The following CREG2 variants were observed in gnomAD, a reference collection of about 807,000 sequenced individuals.
The protein encoded by CREG2 is cellular repressor of E1A stimulated genes 2.
A neutral mutation model predicts 26.2 loss-of-function variants in CREG2; 24 were observed. That is an observed-to-expected ratio of 0.92 (90% CI 0.66 to 1.29). CREG2 has a LOEUF of 1.29. CREG2 is among the 50% of genes most tolerant of loss of function. The pLI, the probability that CREG2 is intolerant of heterozygous loss-of-function variation, is 0.00. For synonymous variants in CREG2, 174 were observed against 169.2 expected, an observed-to-expected ratio of 1.03 and a Z score of -0.22; for missense variants, 366 against 398.6, an observed-to-expected ratio of 0.92 and a Z score of 0.70.
At chr2:101,356,944 C>T (rs1313785735) in intron 2 of CREG2, among the ~76,000 whole-genome samples, 2 of 151,512 alleles carry the variant, frequency 1.3e-5, no homozygotes, top group Non-Finnish European at 2.9e-5. Flanking sequence ...GGCTGGAGTG[C>T]AATGGCGTAA....
chr2:101,387,105 G>A lies in CREG2; in HGVS notation c.353C>T (p.Pro118Leu), dbSNP rs1172622832. Reference protein sequence around the residue: ...REGGQTASAPPGPRLRAATAR... With the variant: ...REGGQTASAPLGPRLRAATAR... ...GGTGGCGGCGCGCAGTCTAGGGCCC[G>A]GGGGCGCACTGGCCGTCTGGCCGCC... The change falls in exon 1 of 4, where the codon CCG becomes CTG. Residue 118 changes from proline to leucine, a missense_variant. By Grantham distance (98) the Pro-to-Leu change is moderately conservative. This residue lies in a region of CREG2 where 177 missense variants were observed against 183.3 expected (regional missense o/e 0.97). Coordinates refer to ENST00000324768, the MANE Select transcript of CREG2 (RefSeq NM_153836.4). The surrounding 1 kb of genome is among the most constrained non-coding windows in gnomAD (Gnocchi z 4.7). 6 of 1,242,552 alleles carry A rather than the reference G, an allele frequency of 4.8e-6. No homozygotes were observed. In the African/African-American group the frequency reaches 7.8e-5, roughly 16 times the overall value. 77.0% of individuals were successfully genotyped at this position (1,242,552 alleles called of 1,614,324 possible). A position where few individuals can be genotyped will look rare whatever the true frequency, so the allele number is the denominator to read the frequency against.
intron 2 of CREG2, among the ~76,000 whole-genome samples, chr2:101,373,713 G>C (rs1190632770): frequency 6.6e-6 from 1 of 152,158 alleles, no homozygotes; most frequent in Non-Finnish European, 1.5e-5. Context: ...AAGCTCAACA[G>C]AGTTGAAATA....
intron 2 of CREG2, among the ~76,000 whole-genome samples, chr2:101,357,921 G>C (rs1400515131): frequency 6.7e-6 from 1 of 149,050 alleles, no homozygotes; most frequent in African/African-American, 2.5e-5. Context: ...AGCTTGCAGT[G>C]AGCCACGATT....
At chr2:101,359,333 C>T (rs1466593595) in intron 2 of CREG2, among the ~76,000 whole-genome samples, 1 of 152,138 alleles carries the variant, frequency 6.6e-6, no homozygotes, top group Non-Finnish European at 1.5e-5. Context: ...TGAGCATGCA[C>T]AGTGCATTTA....
intron 2 of CREG2, chr2:101,382,981 C>T: frequency 1.0e-6 from 1 of 985,846 alleles, no homozygotes; most frequent in Non-Finnish European, 1.2e-6. Flanking sequence ...GGGCCTGCAT[C>T]AATGTTCTGT....
chr2:101,357,976 CA>C (rs70943078), intron 2 of CREG2, among the ~76,000 whole-genome samples: 87,901 of 121,730 alleles, frequency 0.72, 30,319 homozygotes, highest in Middle Eastern at 0.81. Context: ...GACTCCGTCT[CA>C]AAAAAAAAAA....
intron 2 of CREG2, among the ~76,000 whole-genome samples, chr2:101,371,753 A>C (rs1684710339): frequency 6.6e-6 from 1 of 152,160 alleles, no homozygotes; most frequent in Admixed American, 6.5e-5. Flanking sequence ...AGCAGGATGG[A>C]AGTGGCTGCA....
At chr2:101,370,333 A>G (rs538072205) in intron 2 of CREG2, among the ~76,000 whole-genome samples, 94 of 152,168 alleles carry the variant, frequency 6.2e-4, no homozygotes, top group Non-Finnish European at 1.0e-3. Context: ...AGTCCTGTGC[A>G]GAAGAAACAC....
At chr2:101,360,095 C>A (rs1303083199) in intron 2 of CREG2, among the ~76,000 whole-genome samples, 1 of 152,206 alleles carries the variant, frequency 6.6e-6, no homozygotes, top group Non-Finnish European at 1.5e-5. Flanking sequence ...GAGACATCTG[C>A]ATAATAAATT....
intron 2 of CREG2, among the ~76,000 whole-genome samples, chr2:101,363,283 C>T (rs562498892): frequency 1.1e-3 from 163 of 152,164 alleles, no homozygotes; most frequent in Non-Finnish European, 2.0e-3. Flanking sequence ...ATTACATGGA[C>T]CTGAGGAGTC....
At chr2:101,382,812 G>A in intron 2 of CREG2, 4 of 985,448 alleles carry the variant, frequency 4.1e-6, no homozygotes, top group Non-Finnish European at 4.8e-6. Flanking sequence ...AGTGACTAAG[G>A]TCCTGGAGGT....
chr2:101,351,172 A>G (rs1022276863), intron 3 of CREG2, 102 bp from the exon 4 acceptor site: 2 of 1,128,158 alleles, frequency 1.8e-6, no homozygotes, highest in Admixed American at 5.5e-5. Flanking sequence ...ATTTGGGCTG[A>G]CAGCTGCTCA....
At chr2:101,385,427 C>T (rs113637064) in intron 1 of CREG2, among the ~76,000 whole-genome samples, 15,087 of 151,996 alleles carry the variant, frequency 0.099, 899 homozygotes, top group African/African-American at 0.17. Flanking sequence ...GTGATCTGCC[C>T]GCCTCGGCCT....
intron 2 of CREG2, among the ~76,000 whole-genome samples, chr2:101,377,854 T>A (rs1331172561): frequency 2.0e-5 from 3 of 152,250 alleles, no homozygotes; most frequent in African/African-American, 7.2e-5. Flanking sequence ...CCGACTTGTA[T>A]GGGTATGATG....
Position 101,383,097 on chromosome 2 carries a change from A to T in CREG2, c.611+436T>A, listed in dbSNP as rs188148513. On this transcript the variant is annotated intron_variant, in intron 2 of 3. Coordinates refer to ENST00000324768, the MANE Select transcript of CREG2 (RefSeq NM_153836.4). Reference sequence around the variant, plus strand: ...CACATATCTCTGGGGACAGGATAGAAATAAATTGGAAAGACAATATATAGA... The same window carrying T: ...CACATATCTCTGGGGACAGGATAGATATAAATTGGAAAGACAATATATAGA... 719 of 661,508 alleles carry T rather than the reference A, an allele frequency of 1.1e-3. 7 individuals are homozygous for T. The South Asian group carries it at 0.018, about 17-fold the overall frequency. The allele number at this position is 661,508 out of a possible 1,614,324, so 41.0% of individuals were successfully genotyped here. A position where few individuals can be genotyped will look rare whatever the true frequency, so the allele number is the denominator to read the frequency against.
intron 2 of CREG2, among the ~76,000 whole-genome samples, chr2:101,368,183 G>A (rs1187479609): frequency 1.3e-5 from 2 of 151,868 alleles, no homozygotes; most frequent in Non-Finnish European, 2.9e-5. Context: ...AGCTACTTGG[G>A]AGACTGAGGC....
chr2:101,379,742 C>T (rs68011315), intron 2 of CREG2, among the ~76,000 whole-genome samples: 15,611 of 152,184 alleles, frequency 0.1, 856 homozygotes, highest in Middle Eastern at 0.18. Flanking sequence ...AGGCAGACAC[C>T]GCTATTTATT....
intron 2 of CREG2, among the ~76,000 whole-genome samples, chr2:101,380,619 C>A (rs182669059): frequency 6.6e-6 from 1 of 152,162 alleles, no homozygotes; most frequent in Non-Finnish European, 1.5e-5. Flanking sequence ...GGAATAGGAG[C>A]GCCCAGAAGA....
At chr2:101,356,334 G>C (rs1441840048) in intron 2 of CREG2, among the ~76,000 whole-genome samples, 1 of 152,140 alleles carries the variant, frequency 6.6e-6, no homozygotes, top group Non-Finnish European at 1.5e-5. Flanking sequence ...ATTTAGGGCT[G>C]CCGGTCCAGG....
Sources: gnomAD v4.1 joint callset for allele counts (sites outside exome capture counted in the v4.1 genomes callset) on GRCh38, gnomAD v4.1.1 for gene constraint, gnomAD v4.1.1 regional missense constraint, Gnocchi (gnomAD v3.1) non-coding constraint, MANE v1.5 for transcripts, NCBI Gene and HGNC (gene_info 2026-07-23, HGNC 2026-07-21) for gene names.